The following ARSH variants were observed in gnomAD, a reference collection of about 807,000 sequenced individuals.
ARSH encodes arylsulfatase H.
Under a neutral mutation model 28.7 loss-of-function variants are expected in ARSH, and 32 were observed. The observed-to-expected ratio is 1.11, with a 90% CI of 0.84 to 1.50. ARSH has a LOEUF of 1.50. Ranked by LOEUF, ARSH falls within the 40% of genes most tolerant of loss-of-function variation. ARSH has a pLI of 0.00. For synonymous variants in ARSH, 176 were observed against 177.3 expected, an observed-to-expected ratio of 0.99 and a Z score of 0.06; for missense variants, 440 against 452.4, an observed-to-expected ratio of 0.97 and a Z score of 0.25.
rs771146378 is a variant in ARSH at position 3,013,198 on chromosome X, G to C, written c.340+26G>C. ...GTATGGCGCCGGAACTCTGCCCGTG[G>C]AAACGTGATCCTGCAGCCTCTCTGT... On this transcript the variant is annotated intron_variant, in intron 3 of 8. Transcript: ENST00000381130. 17 of 1,192,217 alleles carry C rather than the reference G, an allele frequency of 1.4e-5. No individual in the cohort carries two copies. The South Asian group carries it at 3.2e-4, about 22-fold the overall frequency.
At chrX:3,028,252 C>T (rs1364289057) in intron 7 of ARSH, among the ~76,000 whole-genome samples, 2 of 110,993 alleles carry the variant, frequency 1.8e-5, no homozygotes, top group Non-Finnish European at 3.8e-5. Context: ...GTCCTGTCAG[C>T]CAGGCTGGAA....
At chrX:3,009,314 T>C (rs1048105867) in intron 1 of ARSH, among the ~76,000 whole-genome samples, 5 of 110,010 alleles carry the variant, frequency 4.5e-5, no homozygotes, top group African/African-American at 1.3e-4. Context: ...TCATCTCTAC[T>C]AAAAATATAC....
chrX:3,011,849 T>G (rs953808879), intron 2 of ARSH, among the ~76,000 whole-genome samples: 1 of 111,560 alleles, frequency 9.0e-6, no homozygotes, highest in African/African-American at 3.3e-5. Flanking sequence ...TGAAATATAC[T>G]TTTTTCTTTT....
In ARSH at chrX:3,027,213, G is replaced by T. The variant is rs1471951007; in HGVS notation, c.1037-100G>T. The T allele has an allele frequency of 4.3e-6, 4 of 925,851 alleles. No individual in the cohort carries two copies. The African/African-American group carries it at 7.8e-5, about 18-fold the overall frequency. 76.3% of individuals were successfully genotyped at this position (925,851 alleles called of 1,213,427 possible). A position where few individuals can be genotyped will look rare whatever the true frequency, so the allele number is the denominator to read the frequency against. ...GACCTCAAGTGATCCGCCCACCTCG[G>T]CCCCCCAAAGTGCTGGGATTACAGG... On this transcript the variant is annotated intron_variant, in intron 6 of 8. Coordinates refer to ENST00000381130, the MANE Select transcript of ARSH (RefSeq NM_001011719.2).
rs774152666 is a variant in ARSH, at chrX:3,011,787, A to C, written c.215-1260A>C. ...CTTAATAAAACTGTTTCTCTTTCCT[A>C]TCAATGACACTATCTAGAGTCTACT... On this transcript the variant is annotated intron_variant, in intron 2 of 8. Coordinates refer to ENST00000381130, the MANE Select transcript of ARSH (RefSeq NM_001011719.2). Among the ~76,000 whole-genome samples the C allele has an allele frequency of 7.2e-5, 8 of 111,702 alleles. No homozygotes were observed. The East Asian group carries it at 2.0e-3, about 27-fold the overall frequency.
chrX:3,020,057 G>A (rs1458755038), intron 5 of ARSH, among the ~76,000 whole-genome samples: 6 of 108,264 alleles, frequency 5.5e-5, no homozygotes, highest in South Asian at 4.1e-4. Context: ...AGGTTCAGGC[G>A]GGAGGATCAC....
intron 3 of ARSH, among the ~76,000 whole-genome samples, chrX:3,014,200 G>A (rs2089859292): frequency 9.0e-6 from 1 of 111,728 alleles, no homozygotes; most frequent in African/African-American, 3.3e-5. Flanking sequence ...CAAGGAGTTC[G>A]AGGCTACAGT....
At chrX:3,013,004 A>T in intron 2 of ARSH, 43 bp from the exon 3 acceptor site, 10 of 1,186,402 alleles carry the variant, frequency 8.4e-6, no homozygotes, top group Non-Finnish European at 1.1e-5. Context: ...ATTCGGTATT[A>T]GCAAAGACTA....
chrX:3,010,812 G>A (rs112770915), intron 2 of ARSH, among the ~76,000 whole-genome samples: 14 of 111,617 alleles, frequency 1.3e-4, no homozygotes, highest in Middle Eastern at 4.6e-3. Context: ...GTGAAATATC[G>A]TGTCATGCTG....
chrX:3,033,422 C>T lies in ARSH; in HGVS notation c.*37C>T. On this transcript the variant is annotated 3_prime_UTR_variant, in exon 9 of 9. Coordinates refer to ENST00000381130, the MANE Select transcript of ARSH (RefSeq NM_001011719.2). ...CCACGTGTTACCCACCACAAACTTA[C>T]TGTTACAATGGTCATAGGAGCAGAG... The T allele has an allele frequency of 8.6e-7, 1 of 1,160,404 alleles. No homozygotes were observed. Among genetic ancestry groups the T allele is most frequent in the Non-Finnish European group, 1.2e-6 (1 of 866,860 alleles).
chrX:3,030,833 C>T (rs781522180), intron 8 of ARSH, among the ~76,000 whole-genome samples: 1 of 110,759 alleles, frequency 9.0e-6, no homozygotes, highest in African/African-American at 3.3e-5. Flanking sequence ...AGTCTTTCCC[C>T]AAGTCTATGA....
At chrX:3,029,133 C>T in intron 7 of ARSH, 114 bp from the exon 8 acceptor site, 4 of 755,579 alleles carry the variant, frequency 5.3e-6, no homozygotes, top group Non-Finnish European at 7.4e-6. Flanking sequence ...GCCTCCTTCT[C>T]TTCCTCCCCT....
rs199825755 is a variant in ARSH, at chrX:3,032,518, AAAG to A, written c.1322-494_1322-492del. On this transcript the variant is annotated intron_variant, in intron 8 of 8. Transcript: ENST00000381130. ...AGAGAAGGAAGGAGGGAAAGAAAGA[AAAG>A]AAGAAAACAGAAATGGAGGAAAAAA... is the stretch of plus-strand genomic sequence containing the variant. Among the ~76,000 whole-genome samples, 857 of 104,756 alleles carry A rather than the reference AAAG, an allele frequency of 8.2e-3. 13 individuals are homozygous for A. Among genetic ancestry groups the A allele is most frequent in the African/African-American group, 0.028 (808 of 28,632 alleles). 91.0% of individuals were successfully genotyped at this position (104,756 alleles called of 115,157 possible).
chrX:3,033,108 CG>C lies in ARSH; in HGVS notation c.1417del (p.Asp473MetfsTer2), dbSNP rs1187365297. The C allele has an allele frequency of 8.3e-7, 1 of 1,208,975 alleles. No individual in the cohort carries two copies. Among genetic ancestry groups the C allele is most frequent in the African/African-American group, 1.8e-5 (1 of 56,893 alleles). On this transcript the variant is annotated frameshift_variant, in exon 9 of 9. Coordinates refer to ENST00000381130, the MANE Select transcript of ARSH (RefSeq NM_001011719.2). LOFTEE classifies it low-confidence loss of function (END_TRUNC). ...TATGGGAGTGGAATATGTTCATGTTCGGGGGATGTAACCTACCACGACCCAC... is the reference window on the plus strand; with the variant it reads ...TATGGGAGTGGAATATGTTCATGTTCGGGGATGTAACCTACCACGACCCAC... ...ACYGSGICSC[S>X]GDVTYHDPPL...
intron 1 of ARSH, among the ~76,000 whole-genome samples, chrX:3,007,794 A>C: frequency 9.1e-6 from 1 of 109,342 alleles, no homozygotes; most frequent in South Asian, 4.0e-4. Flanking sequence ...GTCTGAGATC[A>C]AGGTGTCTGC....
intron 1 of ARSH, among the ~76,000 whole-genome samples, chrX:3,006,971 G>A (rs1021472954): frequency 9.0e-6 from 1 of 110,939 alleles, no homozygotes; most frequent in South Asian, 3.8e-4. Flanking sequence ...ATCAGGCATG[G>A]CGGCTCAAGC....
intron 5 of ARSH, among the ~76,000 whole-genome samples, chrX:3,023,691 A>G (rs2089890682): frequency 9.3e-6 from 1 of 107,263 alleles, no homozygotes; most frequent in Non-Finnish European, 1.9e-5. Context: ...AGAAATATGT[A>G]CTATATATCA....
At chrX:3,022,021 T>C (rs754079111) in intron 5 of ARSH, among the ~76,000 whole-genome samples, 96 of 110,313 alleles carry the variant, frequency 8.7e-4, no homozygotes, top group Non-Finnish European at 1.6e-3. Context: ...GGATTACATG[T>C]GTGAGCCACC....
At chrX:3,007,650 G>C (rs375603490) in intron 1 of ARSH, among the ~76,000 whole-genome samples, 120 of 109,353 alleles carry the variant, frequency 1.1e-3, no homozygotes, top group African/African-American at 3.8e-3. Flanking sequence ...TCGTCCCTCT[G>C]TGTGGGTCTG....
Sources: allele counts gnomAD v4.1 joint callset (sites outside exome capture counted in the v4.1 genomes callset), GRCh38; gene constraint gnomAD v4.1.1; transcripts MANE v1.5; gene names NCBI Gene and HGNC (gene_info 2026-07-23, HGNC 2026-07-21).